Variants in PLCG2 observed in about 807,000 individuals in gnomAD.
PLCG2 encodes the protein 1-phosphatidylinositol 4,5-bisphosphate phosphodiesterase gamma-2.
In PLCG2, 69 loss-of-function variants were observed where a neutral mutation model predicts 175.6. The observed-to-expected ratio is 0.39, with a 90% CI of 0.32 to 0.48. PLCG2 has a LOEUF of 0.48. Ranked by LOEUF, PLCG2 falls within the 20% of genes least tolerant of loss-of-function variation. The pLI, the probability that PLCG2 is intolerant of heterozygous loss-of-function variation, is 0.91. For missense variants in PLCG2, 1,798 were observed against 1,650.9 expected (o/e 1.09, Z -1.54); for synonymous variants, 827 against 624.0 (o/e 1.33, Z -4.85).
intron 31 of PLCG2, among the ~76,000 whole-genome samples, chr16:81,949,058 C>A (rs1013034997): frequency 6.6e-6 from 1 of 152,150 alleles, no homozygotes; most frequent in Admixed American, 6.5e-5. Flanking sequence ...ATAAAGAGAT[C>A]TGCATTAGTG....
At chr16:81,927,280 C>T in intron 23 of PLCG2, 102 bp downstream of exon 23, 1 of 774,470 alleles carries the variant, frequency 1.3e-6, no homozygotes, top group Non-Finnish European at 2.3e-6. Flanking sequence ...CCATGTGCTG[C>T]TTGTGGTCTC....
At chr16:81,752,178 G>T (rs981236439) in intron 1 of PLCG2, among the ~76,000 whole-genome samples, 2 of 152,150 alleles carry the variant, frequency 1.3e-5, no homozygotes, top group African/African-American at 4.8e-5. Flanking sequence ...AGCTCCCACT[G>T]TTCCCCAACA....
At chr16:81,929,661 G>A (rs1419527580) in intron 24 of PLCG2, among the ~76,000 whole-genome samples, 1 of 152,238 alleles carries the variant, frequency 6.6e-6, no homozygotes, top group African/African-American at 2.4e-5. Flanking sequence ...CTCCCAAAGT[G>A]CTGGGATTAC....
At chr16:81,935,236 C>T (rs1159053503) in intron 26 of PLCG2, among the ~76,000 whole-genome samples, 1 of 152,148 alleles carries the variant, frequency 6.6e-6, no homozygotes, top group Non-Finnish European at 1.5e-5. Context: ...GGGCTGCTGG[C>T]ATTCCTTGGC....
chr16:81,913,233 C>G (rs1232144878), intron 19 of PLCG2, among the ~76,000 whole-genome samples: 1 of 152,192 alleles, frequency 6.6e-6, no homozygotes, highest in Non-Finnish European at 1.5e-5. Flanking sequence ...AGGAGTGACT[C>G]AGACTCCGTG....
At chr16:81,837,541 C>T (rs771828757) in intron 2 of PLCG2, among the ~76,000 whole-genome samples, 2 of 152,184 alleles carry the variant, frequency 1.3e-5, no homozygotes, top group Non-Finnish European at 2.9e-5. Flanking sequence ...CGCAGGGACC[C>T]CCGTGTCGTG....
chr16:81,753,424 T>A (rs1188285498), intron 1 of PLCG2, among the ~76,000 whole-genome samples: 2 of 142,728 alleles, frequency 1.4e-5, no homozygotes, highest in Non-Finnish European at 3.0e-5. Flanking sequence ...TTAATTTAAT[T>A]TTTTTTTTTT....
chr16:81,855,821 G>A (rs1480497905), intron 3 of PLCG2, among the ~76,000 whole-genome samples: 4 of 152,170 alleles, frequency 2.6e-5, no homozygotes, highest in Non-Finnish European at 4.4e-5. Context: ...GCCAGGGCTT[G>A]GAGGAGGGAA....
At chr16:81,834,390 C>T (rs939720142) in intron 2 of PLCG2, among the ~76,000 whole-genome samples, 3 of 152,064 alleles carry the variant, frequency 2.0e-5, no homozygotes, top group East Asian at 1.9e-4. Flanking sequence ...GGAGCCGGCG[C>T]GGGTGGTGTT....
chr16:81,796,484 C>G (rs765644073), intron 2 of PLCG2, among the ~76,000 whole-genome samples: 1 of 152,202 alleles, frequency 6.6e-6, no homozygotes, highest in Non-Finnish European at 1.5e-5. Flanking sequence ...AAGAGGACAT[C>G]GTCTGGCTCC....
intron 5 of PLCG2, among the ~76,000 whole-genome samples, chr16:81,866,710 C>G (rs533065003): frequency 6.8e-6 from 1 of 147,732 alleles, no homozygotes; most frequent in Non-Finnish European, 1.5e-5. Flanking sequence ...AGGATGGGCT[C>G]CACTGGGCAC....
At chr16:81,776,134 A>G (rs1910400812), upstream of PLCG2, among the ~76,000 whole-genome samples, 1 of 19,598 alleles carries the variant, frequency 5.1e-5, no homozygotes, top group Non-Finnish European at 1.2e-4. Flanking sequence ...TTTTTGACGG[A>G]GTCTCACTCT....
chr16:81,826,190 G>A (rs370287809), intron 2 of PLCG2, among the ~76,000 whole-genome samples: 5 of 152,236 alleles, frequency 3.3e-5, no homozygotes, highest in Admixed American at 6.5e-5. Flanking sequence ...AGTCCTCCTC[G>A]GCCCCTTTGC....
At chr16:81,899,427 CT>C (rs1909046332) in intron 13 of PLCG2, among the ~76,000 whole-genome samples, 1 of 152,042 alleles carries the variant, frequency 6.6e-6, no homozygotes, top group Non-Finnish European at 1.5e-5. Context: ...GTGGATTCTA[CT>C]TGCTAAAATT....
intron 14 of PLCG2, among the ~76,000 whole-genome samples, chr16:81,903,872 C>T (rs1484691238): frequency 3.3e-5 from 5 of 152,180 alleles, no homozygotes; most frequent in South Asian, 4.1e-4. Flanking sequence ...ACACCTGATA[C>T]GCTGTGGCCC....
In PLCG2 at chr16:81,907,749, A is replaced by G; in HGVS notation, c.1532A>G (p.Gln511Arg). The G allele has an allele frequency of 1.2e-6, 2 of 1,613,720 alleles. No individual in the cohort carries two copies. Among genetic ancestry groups the G allele is most frequent in the Non-Finnish European group, 1.7e-6 (2 of 1,179,686 alleles). ...AKLSFSDDIEQTMEEEVPQDI... is the reference protein window; with the variant it reads ...AKLSFSDDIERTMEEEVPQDI... ...CTGTCCTTCAGTGATGACATTGAAC[A>G]GACTATGGAGGAGGAAGTGCCCCAG... Residue 511 changes from glutamine (Q) to arginine (R), a missense_variant, in exon 16 of 33, where the codon CAG becomes CGG. Coordinates refer to ENST00000564138, the MANE Select transcript of PLCG2 (RefSeq NM_002661.5).
intron 25 of PLCG2, among the ~76,000 whole-genome samples, chr16:81,933,763 G>A (rs953699148): frequency 2.0e-5 from 3 of 152,176 alleles, no homozygotes; most frequent in African/African-American, 7.2e-5. Flanking sequence ...ATTCTCTCAA[G>A]GTCCCCCCTT....
chr16:81,867,355 C>T (rs1907292867), intron 5 of PLCG2, among the ~76,000 whole-genome samples: 1 of 152,132 alleles, frequency 6.6e-6, no homozygotes, highest in Non-Finnish European at 1.5e-5. Context: ...TATTCTTGAC[C>T]CACCCACCCC....
rs1274973544 is a variant in PLCG2, at chr16:81,961,355, C to T, written c.*3357C>T. The T allele has an allele frequency of 1.3e-5, 3 of 225,826 alleles. No individual in the cohort carries two copies. In the Admixed American group the frequency reaches 1.7e-4, roughly 13 times the overall value. The allele number at this position is 225,826 out of a possible 1,614,324, so 14.0% of individuals were successfully genotyped here. ...AGATGAAATAATTGTGGAGAAAAGCCCTCTTTATCTCATTAAGTGATACAT... is the reference window on the plus strand; with the variant it reads ...AGATGAAATAATTGTGGAGAAAAGCTCTCTTTATCTCATTAAGTGATACAT... On this transcript the variant is annotated 3_prime_UTR_variant, in exon 33 of 33. Coordinates refer to ENST00000564138, the MANE Select transcript of PLCG2 (RefSeq NM_002661.5).
Sources: allele counts gnomAD v4.1 joint callset (sites outside exome capture counted in the v4.1 genomes callset), GRCh38; gene constraint gnomAD v4.1.1; transcripts MANE v1.5; gene names NCBI Gene and HGNC (gene_info 2026-07-23, HGNC 2026-07-21).